PBX1: variants seen among roughly 807,000 people sequenced by gnomAD.
The protein encoded by PBX1 is pre-B-cell leukemia transcription factor 1.
Under a neutral mutation model 53.4 loss-of-function variants are expected in PBX1, and 6 were observed. That is an observed-to-expected ratio of 0.11 (90% confidence interval 0.06 to 0.22). The LOEUF is 0.22. PBX1 is among the 10% of genes least tolerant of loss of function. The pLI is 1.00. For missense variants in PBX1, 251 were observed against 551.4 expected, an observed-to-expected ratio of 0.46 and a Z score of 5.46; for synonymous variants, 204 against 212.3, an observed-to-expected ratio of 0.96 and a Z score of 0.34.
chr1:164,700,697 A>G (rs973683552), intron 2 of PBX1: 34 of 985,160 alleles, frequency 3.5e-5, no homozygotes, highest in African/African-American at 7.0e-5. Flanking sequence ...AGGGGACCCA[A>G]CTCTCCTGGA....
At chr1:164,574,973 C>T (rs905408239) in intron 2 of PBX1, among the ~76,000 whole-genome samples, 1 of 148,640 alleles carries the variant, frequency 6.7e-6, no homozygotes, top group African/African-American at 2.5e-5. Flanking sequence ...CAGAGTGAGA[C>T]TAAAAAAAAA....
chr1:164,859,277 A>G (rs897770829), intron 2 of PBX1, among the ~76,000 whole-genome samples: 2 of 152,254 alleles, frequency 1.3e-5, no homozygotes, highest in Admixed American at 6.5e-5. Context: ...AGGTACATCT[A>G]TGGGGATAGA....
intron 2 of PBX1, among the ~76,000 whole-genome samples, chr1:164,602,620 C>T (rs1341604796): frequency 6.6e-6 from 1 of 151,686 alleles, no homozygotes; most frequent in Non-Finnish European, 1.5e-5. Flanking sequence ...CACCCCAATT[C>T]TGTCAACCTC....
chr1:164,853,744 A>G (rs1441970169), downstream of PBX1, among the ~76,000 whole-genome samples: 5 of 152,028 alleles, frequency 3.3e-5, no homozygotes, highest in African/African-American at 9.7e-5. Context: ...TGACATGTTT[A>G]CTGCTAGCTG....
chr1:164,815,486 C>T (rs1038112855), intron 6 of PBX1: 1 of 152,180 alleles, frequency 6.6e-6, no homozygotes, highest in African/African-American at 2.4e-5. Context: ...CTTGTAATAC[C>T]CCTGTATTAG....
intron 2 of PBX1, among the ~76,000 whole-genome samples, chr1:164,739,833 A>G (rs78330598): frequency 0.062 from 9,340 of 151,728 alleles, 327 homozygotes; most frequent in South Asian, 0.12. Flanking sequence ...TTTGTCTGAG[A>G]ACTCTTTTCA....
chr1:164,754,702 T>A (rs74121213), intron 2 of PBX1, among the ~76,000 whole-genome samples: 12,027 of 152,092 alleles, frequency 0.079, 688 homozygotes, highest in African/African-American at 0.15. Flanking sequence ...TGTGTGTGTG[T>A]GAGAGAGAGA....
intron 2 of PBX1, among the ~76,000 whole-genome samples, chr1:164,566,774 A>G (rs949190221): frequency 1.8e-4 from 27 of 152,186 alleles, no homozygotes; most frequent in Non-Finnish European, 5.9e-5. Flanking sequence ...TACTAAGGAG[A>G]ATATTTATAG....
chr1:164,761,703 A>G (rs1666825413), intron 2 of PBX1, among the ~76,000 whole-genome samples: 1 of 152,138 alleles, frequency 6.6e-6, no homozygotes, highest in Non-Finnish European at 1.5e-5. Flanking sequence ...TCGGCCTCCC[A>G]AAGTGCTGGG....
At chr1:164,776,110 C>G (rs959221507) in intron 2 of PBX1, among the ~76,000 whole-genome samples, 1 of 152,158 alleles carries the variant, frequency 6.6e-6, no homozygotes. Context: ...AGTAACCAAT[C>G]AAGGAATGGG....
At chr1:164,725,437 T>A (rs754315049) in intron 2 of PBX1, among the ~76,000 whole-genome samples, 10 of 152,136 alleles carry the variant, frequency 6.6e-5, no homozygotes, top group Non-Finnish European at 1.5e-4. Context: ...GGGCCTCCCG[T>A]GTAACCATGT....
At chr1:164,727,077 C>T (rs936615310) in intron 2 of PBX1, among the ~76,000 whole-genome samples, 1 of 152,008 alleles carries the variant, frequency 6.6e-6, no homozygotes, top group African/African-American at 2.4e-5. Flanking sequence ...GAGCTCAACA[C>T]CAAGCTTTGT....
chr1:164,640,319 G>T (rs948832098), intron 2 of PBX1, among the ~76,000 whole-genome samples: 1 of 152,110 alleles, frequency 6.6e-6, no homozygotes, highest in African/African-American at 2.4e-5. Context: ...TCCAAGTCCT[G>T]CTAAGAGCTC....
chr1:164,867,730 G>A (rs1038949605), intron 2 of PBX1, among the ~76,000 whole-genome samples: 2 of 152,204 alleles, frequency 1.3e-5, no homozygotes, highest in African/African-American at 2.4e-5. Flanking sequence ...TTCAGTCACC[G>A]CTTACCAACT....
chr1:164,611,123 CT>C (rs1335931346), intron 2 of PBX1, among the ~76,000 whole-genome samples: 1 of 152,162 alleles, frequency 6.6e-6, no homozygotes. Context: ...CTTTGAAATG[CT>C]TTTTTCTTTC....
At chr1:164,784,250 G>A (rs1307043682) in intron 2 of PBX1, among the ~76,000 whole-genome samples, 1 of 152,180 alleles carries the variant, frequency 6.6e-6, no homozygotes, top group Non-Finnish European at 1.5e-5. Flanking sequence ...TGTAGCTCCT[G>A]TTTAGGCAAA....
At chr1:164,642,582 G>GT (rs1324930122) in intron 2 of PBX1, 6 of 152,210 alleles carry the variant, frequency 3.9e-5, no homozygotes, top group Non-Finnish European at 8.8e-5. Context: ...GTGGTAGATG[G>GT]TAAGTGTTCA....
chr1:164,797,117 C>T (rs1027337361), intron 3 of PBX1, among the ~76,000 whole-genome samples: 2 of 152,184 alleles, frequency 1.3e-5, no homozygotes, highest in African/African-American at 4.8e-5. Flanking sequence ...GTGGGTGAAA[C>T]GACCCCACTG....
At chr1:164,807,777 C>A in intron 5 of PBX1, 100 bp downstream of exon 5, 1 of 1,310,606 alleles carries the variant, frequency 7.6e-7, no homozygotes, top group South Asian at 1.5e-5. Context: ...TCATGCCTTG[C>A]AAGTTCCATC....
Sources: allele counts gnomAD v4.1 joint callset (sites outside exome capture counted in the v4.1 genomes callset), GRCh38; gene constraint gnomAD v4.1.1; transcripts MANE v1.5; gene names NCBI Gene and HGNC (gene_info 2026-07-23, HGNC 2026-07-21).